The following CLPB variants were observed in gnomAD, a reference collection of about 807,000 sequenced individuals.
The protein encoded by CLPB is mitochondrial disaggregase.
Under a neutral mutation model 78.4 loss-of-function variants are expected in CLPB, and 40 were observed. That is an observed-to-expected ratio of 0.51 (90% confidence interval 0.40 to 0.66). The LOEUF (loss-of-function observed/expected upper bound fraction) is 0.66, where lower values mean the gene tolerates loss of function less well. Among genes scored for constraint, CLPB ranks in the 30% least tolerant of loss-of-function variants. CLPB has a pLI of 0.00. For synonymous variants in CLPB, 333 were observed against 348.0 expected, an observed-to-expected ratio of 0.96 and a Z score of 0.48; for missense variants, 780 against 886.9, an observed-to-expected ratio of 0.88 and a Z score of 1.53.
At position 72,388,246 on chromosome 11, in the gene CLPB, T is replaced by TC. The variant is rs1394343884; in HGVS notation, c.543-7863dup. On this transcript the variant is annotated intron_variant, in intron 3 of 15. Transcript: ENST00000538039. ...CCTGAAACCTCAGAGAAGATTCCCT[T>TC]CCCCTTTTTTTTTTTTTTTTTTGAG... Among the ~76,000 whole-genome samples, 45 of 145,298 alleles carry TC rather than the reference T, an allele frequency of 3.1e-4. 1 individual carries two copies. Among genetic ancestry groups the TC allele is most frequent in the African/African-American group, 8.7e-4 (33 of 37,942 alleles).
chr11:72,374,865 G>C (rs1381656839), intron 4 of CLPB, among the ~76,000 whole-genome samples: 3 of 151,984 alleles, frequency 2.0e-5, no homozygotes, highest in Non-Finnish European at 4.4e-5. Flanking sequence ...CCTTTCTTTG[G>C]GCAATTTTGG....
chr11:72,327,857 T>C (rs1950157532), intron 6 of CLPB, among the ~76,000 whole-genome samples: 1 of 152,184 alleles, frequency 6.6e-6, no homozygotes, highest in Non-Finnish European at 1.5e-5. Context: ...CCTCTGAAAT[T>C]TAGTAGTTCT....
chr11:72,420,276 G>A (rs982376082), intron 2 of CLPB, among the ~76,000 whole-genome samples: 4 of 152,124 alleles, frequency 2.6e-5, no homozygotes, highest in South Asian at 4.1e-4. Context: ...CGAGGTGGGC[G>A]GATCAAGAGG....
At chr11:72,382,264 C>A (rs548684423) in intron 3 of CLPB, among the ~76,000 whole-genome samples, 54 of 152,282 alleles carry the variant, frequency 3.5e-4, no homozygotes, top group African/African-American at 1.3e-3. Flanking sequence ...TGTATACCCA[C>A]GTTCCAGGCC....
At chr11:72,308,938 G>A (rs1273027775) in intron 7 of CLPB, among the ~76,000 whole-genome samples, 2 of 152,160 alleles carry the variant, frequency 1.3e-5, no homozygotes, top group African/African-American at 2.4e-5. Flanking sequence ...AATTCGAGAG[G>A]AACTTCTGCT....
intron 11 of CLPB, among the ~76,000 whole-genome samples, chr11:72,300,927 A>G (rs1048267926): frequency 6.6e-6 from 1 of 152,198 alleles, no homozygotes; most frequent in Admixed American, 6.5e-5. Flanking sequence ...CGCCTGGTTC[A>G]AGGTAAACAG....
chr11:72,361,376 A>G (rs576931107), intron 4 of CLPB, among the ~76,000 whole-genome samples: 1 of 152,272 alleles, frequency 6.6e-6, no homozygotes, highest in South Asian at 2.1e-4. Context: ...TGGCATCTAC[A>G]CTTTTCCCAT....
chr11:72,423,773 C>G (rs1167103289), intron 2 of CLPB, among the ~76,000 whole-genome samples: 1 of 152,182 alleles, frequency 6.6e-6, no homozygotes. Flanking sequence ...GCCTACAGAC[C>G]CAGTGTGGTA....
chr11:72,320,011 G>A (rs190157604), intron 6 of CLPB, among the ~76,000 whole-genome samples: 91 of 152,318 alleles, frequency 6.0e-4, no homozygotes, highest in Non-Finnish European at 9.0e-4. Flanking sequence ...CCCCAGAGGC[G>A]GCTCTCGAGG....
intron 11 of CLPB, among the ~76,000 whole-genome samples, chr11:72,299,638 A>G (rs944826321): frequency 1.3e-5 from 2 of 152,216 alleles, no homozygotes; most frequent in African/African-American, 2.4e-5. Context: ...AATTAAAACT[A>G]CTGTTGAATT....
At chr11:72,393,037 G>A (rs79826955) in intron 3 of CLPB, among the ~76,000 whole-genome samples, 4,821 of 152,322 alleles carry the variant, frequency 0.032, 117 homozygotes, top group Non-Finnish European at 0.04. Flanking sequence ...AATCAGTGGT[G>A]AACCCAGACA....
rs964256040 is a variant in CLPB at position 72,434,145 on chromosome 11, C to A, written c.330G>T (p.Arg110Ser). 6.2e-7 allele frequency: 1 copy of A among 1,612,624 alleles called. No individual in the cohort carries two copies. Among genetic ancestry groups the A allele is most frequent in the Non-Finnish European group, 8.5e-7 (1 of 1,180,010 alleles). The change falls in exon 1 of 16, where the codon AGG becomes AGT. Residue 110 changes from arginine (R) to serine (S), a missense_variant. Arg to Ser is a moderately radical substitution (Grantham distance 110, BLOSUM62 -1). Around this residue, in one of 3 missense-constraint regions of CLPB, gnomAD observed 417 missense variants for 414.7 expected, o/e 1.01. Coordinates refer to ENST00000538039, the MANE Select transcript of CLPB (RefSeq NM_001258392.3). ...CCAGGGCGCACATGCCCAGTCCGGC[C>A]CTGCTGGGGACCCCGTTCCAGCTGT... ...GQDSWNGVPS[R>S]AGLGMCALAA... is the part of the protein sequence containing the mutation.
intron 3 of CLPB, among the ~76,000 whole-genome samples, chr11:72,388,344 G>A (rs1047820276): frequency 6.7e-6 from 1 of 148,922 alleles, no homozygotes; most frequent in African/African-American, 2.5e-5. Context: ...TCCGCCTCCC[G>A]GGTTCACACC....
At chr11:72,406,892 G>C (rs1409654523) in intron 2 of CLPB, among the ~76,000 whole-genome samples, 4 of 152,092 alleles carry the variant, frequency 2.6e-5, no homozygotes, top group Non-Finnish European at 5.9e-5. Context: ...ATATACATGG[G>C]TGTGTGTAGG....
chr11:72,340,486 C>T (rs1186160363), intron 5 of CLPB, among the ~76,000 whole-genome samples: 3 of 152,194 alleles, frequency 2.0e-5, no homozygotes, highest in African/African-American at 4.8e-5. Context: ...TGTCTGTGTA[C>T]AGCTGGGCAT....
intron 3 of CLPB, among the ~76,000 whole-genome samples, chr11:72,396,321 A>G (rs139606332): frequency 3.3e-5 from 5 of 152,294 alleles, no homozygotes; most frequent in Non-Finnish European, 5.9e-5. Context: ...GGGGAATTTC[A>G]AACAGTTCTG....
chr11:72,424,209 A>G (rs1856295222), intron 2 of CLPB, among the ~76,000 whole-genome samples: 1 of 152,182 alleles, frequency 6.6e-6, no homozygotes, highest in Admixed American at 6.5e-5. Context: ...GTACTGTTCT[A>G]TCATATTTTT....
At chr11:72,311,223 G>A (rs1590777662) in intron 7 of CLPB, among the ~76,000 whole-genome samples, 1 of 152,140 alleles carries the variant, frequency 6.6e-6, no homozygotes. Flanking sequence ...CAGGGTGGCC[G>A]AGGACCAAGG....
At chr11:72,359,995 G>C (rs1033614373) in intron 4 of CLPB, among the ~76,000 whole-genome samples, 4 of 152,114 alleles carry the variant, frequency 2.6e-5, no homozygotes, top group Non-Finnish European at 5.9e-5. Flanking sequence ...GTTTTCTTCT[G>C]CTGTTATAGA....
Sources: allele counts gnomAD v4.1 joint callset (sites outside exome capture counted in the v4.1 genomes callset), GRCh38; gene constraint gnomAD v4.1.1; regional missense constraint gnomAD v4.1.1; transcripts MANE v1.5; gene names NCBI Gene and HGNC (gene_info 2026-07-23, HGNC 2026-07-21).